The following LOC128706666 variants were observed in gnomAD, a reference collection of about 807,000 sequenced individuals.
chr20:10,421,416 C>CA, the LOC128706666 span, among the ~76,000 whole-genome samples: 1,004 of 86,008 alleles, frequency 0.012, 6 homozygotes, highest in South Asian at 0.015. Context: ...GACTCCATCA[C>CA]AAAAAAAAAA....
At chr20:10,428,506 T>A in the LOC128706666 span, among the ~76,000 whole-genome samples, 1 of 152,226 alleles carries the variant, frequency 6.6e-6, no homozygotes, top group Non-Finnish European at 1.5e-5. Flanking sequence ...TGAACACCTC[T>A]AACTTGTTGT....
At chr20:10,428,215 C>CTGAGAAAGT in the LOC128706666 span, among the ~76,000 whole-genome samples, 1 of 152,180 alleles carries the variant, frequency 6.6e-6, no homozygotes, top group Admixed American at 6.5e-5. Flanking sequence ...TCTGAGAATC[C>CTGAGAAAGT]TGTCCCCTTT....
At chr20:10,426,321 C>T in the LOC128706666 span, among the ~76,000 whole-genome samples, 1 of 152,144 alleles carries the variant, frequency 6.6e-6, no homozygotes, top group Non-Finnish European at 1.5e-5. Flanking sequence ...TGTGTGATCA[C>T]GGATGAGGGG....
At chr20:10,433,546 G>C in the LOC128706666 span, among the ~76,000 whole-genome samples, 1 of 152,220 alleles carries the variant, frequency 6.6e-6, no homozygotes, top group Non-Finnish European at 1.5e-5. Flanking sequence ...ACGGCAACAG[G>C]ATTTGGGTAT....
At chr20:10,416,156 T>TTGC in the LOC128706666 span, among the ~76,000 whole-genome samples, 1 of 111,808 alleles carries the variant, frequency 8.9e-6, no homozygotes, top group Non-Finnish European at 1.8e-5. Flanking sequence ...AGATGGGTTT[T>TTGC]TGTTGTTGTT....
At chr20:10,429,612 T>G in the LOC128706666 span, among the ~76,000 whole-genome samples, 4 of 152,210 alleles carry the variant, frequency 2.6e-5, no homozygotes, top group East Asian at 7.7e-4. Flanking sequence ...CATCATCTAC[T>G]AAGCCATTCA....
At chr20:10,431,102 T>C in the LOC128706666 span, among the ~76,000 whole-genome samples, 1 of 152,178 alleles carries the variant, frequency 6.6e-6, no homozygotes, top group Non-Finnish European at 1.5e-5. Flanking sequence ...ATGTGGGAAG[T>C]GCTCAATACA....
the LOC128706666 span, chr20:10,413,840 C>T: frequency 2.2e-6 from 1 of 455,476 alleles, no homozygotes. Flanking sequence ...TGAAAGATAT[C>T]CCAGCTACAA....
the LOC128706666 span, among the ~76,000 whole-genome samples, chr20:10,423,472 T>C: frequency 0.14 from 21,792 of 152,082 alleles, 1,755 homozygotes; most frequent in East Asian, 0.24. Flanking sequence ...AAGGATGTAA[T>C]AATAAAATTG....
the LOC128706666 span, among the ~76,000 whole-genome samples, chr20:10,418,807 C>T: frequency 6.6e-6 from 1 of 152,058 alleles, no homozygotes; most frequent in Non-Finnish European, 1.5e-5. Context: ...AATATACATA[C>T]ATAATATAAT....
At chr20:10,418,066 T>C in the LOC128706666 span, among the ~76,000 whole-genome samples, 3 of 152,328 alleles carry the variant, frequency 2.0e-5, no homozygotes, top group East Asian at 5.8e-4. Flanking sequence ...GCCTTGGGTA[T>C]CAAATTGTAG....
chr20:10,433,044 C>A, the LOC128706666 span, among the ~76,000 whole-genome samples: 175 of 152,346 alleles, frequency 1.1e-3, no homozygotes, highest in African/African-American at 3.9e-3. Context: ...GTCTCTGTCG[C>A]CCAACCTGGA....
chr20:10,427,078 AC>A, the LOC128706666 span, among the ~76,000 whole-genome samples: 1 of 144,206 alleles, frequency 6.9e-6, no homozygotes, highest in African/African-American at 2.5e-5. Context: ...ACACACACAC[AC>A]AAAGTAAGGT....
the LOC128706666 span, among the ~76,000 whole-genome samples, chr20:10,430,302 GGCTGTGT>G: frequency 6.6e-6 from 1 of 152,154 alleles, no homozygotes; most frequent in South Asian, 2.1e-4. Context: ...CTTTACAACT[GGCTGTGT>G]GGCCTTGGAT....
At chr20:10,427,949 A>G in the LOC128706666 span, among the ~76,000 whole-genome samples, 5 of 152,216 alleles carry the variant, frequency 3.3e-5, no homozygotes, top group Non-Finnish European at 1.5e-5. Flanking sequence ...TCAGGAGTGG[A>G]TCTGCAGTCA....
At chr20:10,433,640 T>C in the LOC128706666 span, among the ~76,000 whole-genome samples, 96 of 152,286 alleles carry the variant, frequency 6.3e-4, no homozygotes, top group African/African-American at 2.1e-3. Context: ...GCGGCTGCTT[T>C]CACGTAGCTG....
chr20:10,413,792 A>T, the LOC128706666 span: 1 of 562,842 alleles, frequency 1.8e-6, no homozygotes, highest in South Asian at 2.5e-5. Flanking sequence ...ACTGCTTTGC[A>T]GACCTCTGCA....
the LOC128706666 span, among the ~76,000 whole-genome samples, chr20:10,416,479 A>T: frequency 3.2e-4 from 49 of 150,906 alleles, no homozygotes; most frequent in Admixed American, 1.6e-3. Context: ...CTTTAGCATT[A>T]AAAAAAAACA....
At chr20:10,427,935 T>C in the LOC128706666 span, among the ~76,000 whole-genome samples, 2 of 152,238 alleles carry the variant, frequency 1.3e-5, no homozygotes, top group Non-Finnish European at 2.9e-5. Context: ...ACAGCGTAAC[T>C]GAGTCAGGAG....
Sources: gnomAD v4.1 joint callset for allele counts (sites outside exome capture counted in the v4.1 genomes callset) on GRCh38, gnomAD v4.1.1 for gene constraint, MANE v1.5 for transcripts.